DNAAF5: variants seen among roughly 807,000 people sequenced by gnomAD.
The protein encoded by DNAAF5 is dynein axonemal assembly factor 5, also known as HEAT repeat containing 2.
A neutral mutation model predicts 75.8 loss-of-function variants in DNAAF5; 64 were observed. The observed-to-expected ratio is 0.84, with a 90% CI of 0.69 to 1.04. The LOEUF is 1.04. Ranked by LOEUF, DNAAF5 falls within the 50% of genes least tolerant of loss-of-function variation. The pLI is 0.00. For missense variants in DNAAF5, 1,269 were observed against 1,178.5 expected (o/e 1.08, Z -1.12); for synonymous variants, 657 against 557.2 (o/e 1.18, Z -2.52).
Position 759,839 on chromosome 7 carries a change from C to A in DNAAF5, c.1471-1914C>A, listed in dbSNP as rs144917701. ...CAGGAGGGGCTGTGTCTTCTAAACGCACCTGCCTTTTGATTTTAACCGAAA... is the reference window on the plus strand; with the variant it reads ...CAGGAGGGGCTGTGTCTTCTAAACGAACCTGCCTTTTGATTTTAACCGAAA... On this transcript the variant is annotated intron_variant, in intron 6 of 12. Transcript: ENST00000297440. Among the ~76,000 whole-genome samples the A allele has an allele frequency of 2.0e-3, 310 of 152,274 alleles. 1 individual carries two copies. Among genetic ancestry groups the A allele is most frequent in the African/African-American group, 7.0e-3 (290 of 41,558 alleles).
At chr7:727,488 AC>A (rs1423855743) in intron 1 of DNAAF5, 173 bp downstream of exon 1, 1 of 245,970 alleles carries the variant, frequency 4.1e-6, no homozygotes, top group African/African-American at 3.3e-5. Context: ...GCCCCAAAGC[AC>A]CCCGCCCGGC....
chr7:756,895 C>G lies in DNAAF5; in HGVS notation c.1371C>G (p.Ala457=). 1 of 1,612,992 alleles carries G rather than the reference C, an allele frequency of 6.2e-7. No homozygotes were observed. The highest frequency in any genetic ancestry group is 8.5e-7 in the Non-Finnish European group (1 of 1,179,996). Residue 457 remains alanine, a synonymous_variant, in exon 6 of 13, where the codon GCC becomes GCG. Coordinates refer to ENST00000297440, the MANE Select transcript of DNAAF5 (RefSeq NM_017802.4). Reference sequence around the variant, plus strand: ...CTGCCTCCGGCCTCCTGGTGCTGGCCTCCGCCATGCGGGGTTGCCCCCGAG... The same window carrying G: ...CTGCCTCCGGCCTCCTGGTGCTGGCGTCCGCCATGCGGGGTTGCCCCCGAG... ...TPSASGLLVL[A]SAMRGCPREA... is the part of the protein sequence containing the mutation.
rs756800404 is a variant in DNAAF5, at chr7:740,814, C to T, written c.781-5C>T. The T allele has an allele frequency of 2.0e-5, 33 of 1,613,394 alleles. No homozygotes were observed. The highest frequency in any genetic ancestry group is 6.7e-5 in the Admixed American group (4 of 60,002). The stretch of plus-strand genomic sequence containing the variant: ...CGAATCCTTATCCCTTCCTCTCATG[C>T]GCAGGTCCGGCGGGCGGTGGCCTCC... On this transcript the variant is annotated splice_polypyrimidine_tract_variant and splice_region_variant and intron_variant, in intron 2 of 12. Transcript: ENST00000297440.
In DNAAF5 at chr7:763,849, G is replaced by A; in HGVS notation, c.1658G>A (p.Ser553Asn). ...MDSLAMVEGV[S>N]SCQDLYRKHI... ...TCACTGGCCATGGTGGAGGGTGTCA[G>A]CAGCTGCCAGGACCTCTACCGCAAG... The change falls in exon 8 of 13, where the codon AGC (serine) becomes AAC (asparagine). Residue 553 changes from serine to asparagine, a missense_variant. By Grantham distance (46) the Ser-to-Asn change is conservative (BLOSUM62 1). Transcript: ENST00000297440. The A allele has an allele frequency of 6.2e-7, 1 of 1,613,414 alleles. No homozygotes were observed. The highest frequency in any genetic ancestry group is 8.5e-7 in the Non-Finnish European group (1 of 1,180,034).
chr7:774,061 T>A lies in DNAAF5; in HGVS notation c.1945T>A (p.Tyr649Asn), dbSNP rs780116718. 1 of 1,614,042 alleles carries A rather than the reference T, an allele frequency of 6.2e-7. No individual in the cohort carries two copies. The highest frequency in any genetic ancestry group is 8.5e-7 in the Non-Finnish European group (1 of 1,179,996). Reference protein sequence around the residue: ...TINSQGQFPSYLETVTKDILA... With the variant: ...TINSQGQFPSNLETVTKDILA... ...TTCCGGTTCCAGGCAGTTTCCCAGC[T>A]ACCTCGAGACGGTGACAAAGGACAT... is the stretch of plus-strand genomic sequence containing the variant. The change falls in exon 10 of 13, where the codon TAC (tyrosine) becomes AAC (asparagine). Residue 649 changes from tyrosine to asparagine, a missense_variant. By Grantham distance (143) the Tyr-to-Asn change is moderately radical. Transcript: ENST00000297440.
intron 8 of DNAAF5, among the ~76,000 whole-genome samples, chr7:770,112 A>T (rs1778504606): frequency 6.6e-6 from 1 of 150,842 alleles, no homozygotes; most frequent in South Asian, 2.1e-4. Context: ...CCACCATGCT[A>T]GGGTAATTTT....
At chr7:779,289 TGGGCAGCTGCCCCTCCCAGCGTC>T (rs1391939593) in intron 11 of DNAAF5, among the ~76,000 whole-genome samples, 1 of 151,978 alleles carries the variant, frequency 6.6e-6, no homozygotes, top group Non-Finnish European at 1.5e-5. Flanking sequence ...ATGCCAGGCA[TGGGCAGCTGCCCCTCCCAGCGTC>T]GGGAAGATGG....
intron 8 of DNAAF5, 24 bp from the exon 9 acceptor site, chr7:770,447 A>G (rs1778517654): frequency 1.2e-6 from 2 of 1,608,022 alleles, no homozygotes; most frequent in East Asian, 2.2e-5. Context: ...GGCCGTGCAC[A>G]GGAGCCTCTG....
intron 10 of DNAAF5, 151 bp downstream of exon 10, chr7:774,349 C>T (rs1391613524): frequency 5.7e-6 from 5 of 869,958 alleles, no homozygotes; most frequent in Admixed American, 3.1e-5. Context: ...CCCACACTGG[C>T]GGCGGAAGGG....
chr7:747,796 G>A (rs76204130), intron 4 of DNAAF5, among the ~76,000 whole-genome samples: 3 of 12,956 alleles, frequency 2.3e-4, no homozygotes, highest in Non-Finnish European at 5.2e-4. Flanking sequence ...CAGCGTGTCC[G>A]GCTGGTGTGC....
chr7:744,662 T>C (rs1374090506), intron 4 of DNAAF5, among the ~76,000 whole-genome samples: 1 of 152,206 alleles, frequency 6.6e-6, no homozygotes, highest in African/African-American at 2.4e-5. Context: ...CAACAAGTGC[T>C]GGAGAGGATG....
intron 1 of DNAAF5, 106 bp downstream of exon 1, chr7:727,421 C>T (rs1245690646): frequency 7.8e-6 from 4 of 511,694 alleles, no homozygotes; most frequent in Admixed American, 5.2e-5. Flanking sequence ...CGCCCCCCTC[C>T]ACGCCCGCAC....
At position 764,046 on chromosome 7, in the gene DNAAF5, C is replaced by G. The variant is rs892861581; in HGVS notation, c.1783+72C>G. Reference sequence around the variant, plus strand: ...CTACACACCTGCTCCCCCAGGTGCTCAGCAGGTACCAGCGCCGACCAGCTG... The same window carrying G: ...CTACACACCTGCTCCCCCAGGTGCTGAGCAGGTACCAGCGCCGACCAGCTG... On this transcript the variant is annotated intron_variant, in intron 8 of 12. Transcript: ENST00000297440. 7 of 1,505,998 alleles carry G rather than the reference C, an allele frequency of 4.6e-6. No individual in the cohort carries two copies. The Admixed American group carries it at 1.2e-4, about 26-fold the overall frequency. The allele number at this position is 1,505,998 out of a possible 1,614,324, so 93.3% of individuals were successfully genotyped here. A position where few individuals can be genotyped will look rare whatever the true frequency, so the allele number is the denominator to read the frequency against.
intron 3 of DNAAF5, 46 bp from the exon 4 acceptor site, chr7:741,301 T>C (rs756428028): frequency 5.5e-6 from 8 of 1,449,212 alleles, no homozygotes; most frequent in Admixed American, 3.7e-5. Flanking sequence ...CGGCCTCCCC[T>C]GCGTGCCCTG....
chr7:747,275 C>T (rs544009600), intron 4 of DNAAF5, among the ~76,000 whole-genome samples: 4 of 152,340 alleles, frequency 2.6e-5, no homozygotes, highest in African/African-American at 4.8e-5. Context: ...GTCAGGCCAG[C>T]GTGTGGGGTG....
At chr7:785,459 G>C (rs900488856) in intron 12 of DNAAF5, 58 bp from the exon 13 acceptor site, 11 of 1,589,070 alleles carry the variant, frequency 6.9e-6, no homozygotes, top group African/African-American at 2.7e-5. Context: ...TTGCACGAGA[G>C]GTAAGATTGG....
intron 12 of DNAAF5, among the ~76,000 whole-genome samples, chr7:783,354 A>G (rs1779041326): frequency 6.6e-6 from 1 of 152,150 alleles, no homozygotes; most frequent in Non-Finnish European, 1.5e-5. Context: ...TGAGTGTGGC[A>G]GGGGGCGTGG....
At position 727,174 on chromosome 7, in the gene DNAAF5, G is replaced by T. The variant is rs981760144; in HGVS notation, c.454G>T (p.Ala152Ser). 2.3e-6 allele frequency: 3 copies of T among 1,329,058 alleles called. No individual in the cohort carries two copies. Among genetic ancestry groups the T allele is most frequent in the African/African-American group, 3.1e-5 (2 of 64,550 alleles). 82.3% of individuals were successfully genotyped at this position (1,329,058 alleles called of 1,614,324 possible). A position where few individuals can be genotyped will look rare whatever the true frequency, so the allele number is the denominator to read the frequency against. ...GGCGCTTGTGCAGCTGCTGGGCCTGGCCGTGGACCTGTGCGGCGCCGCGCT... is the reference window on the plus strand; with the variant it reads ...GGCGCTTGTGCAGCTGCTGGGCCTGTCCGTGGACCTGTGCGGCGCCGCGCT... ...RLALVQLLGL[A>S]VDLCGAALAP... The change falls in exon 1 of 13, where the codon GCC becomes TCC. Residue 152 changes from alanine (A) to serine (S), a missense_variant. Transcript: ENST00000297440.
At chr7:745,691 C>A (rs1405888318) in intron 4 of DNAAF5, among the ~76,000 whole-genome samples, 1 of 113,072 alleles carries the variant, frequency 8.8e-6, no homozygotes, top group Non-Finnish European at 2.0e-5. Context: ...ATATACACAT[C>A]TGCACACGTG....
Sources: allele counts gnomAD v4.1 joint callset (sites outside exome capture counted in the v4.1 genomes callset), GRCh38; gene constraint gnomAD v4.1.1; transcripts MANE v1.5; gene names NCBI Gene and HGNC (gene_info 2026-07-23, HGNC 2026-07-21).